The following OR4N2 variants were observed in gnomAD, a reference collection of about 807,000 sequenced individuals.
OR4N2 encodes olfactory receptor family 4 subfamily N member 2, also known as olfactory receptor 4N2.
For missense variants in OR4N2, 307 were observed against 377.6 expected, an observed-to-expected ratio of 0.81 and a Z score of 1.55; for synonymous variants, 141 against 140.4, an observed-to-expected ratio of 1.00 and a Z score of -0.03.
Position 19,809,856 on chromosome 14 carries a change from G to A in OR4N2, c.-10+6012G>A, listed in dbSNP as rs369853584. ...CCATATACAAAAATCAATTCAACAT[G>A]GATTGGAGAATTAAATGTAAAACCC... On this transcript the variant is annotated intron_variant, in intron 1 of 1. Transcript: ENST00000557677. Among the ~76,000 whole-genome samples, 270 of 152,302 alleles carry A rather than the reference G, an allele frequency of 1.8e-3. 2 individuals carry two copies. The highest frequency in any genetic ancestry group is 5.7e-3 in the African/African-American group (238 of 41,558).
intron 1 of OR4N2, among the ~76,000 whole-genome samples, chr14:19,820,486 G>A (rs1227080531): frequency 1.1e-4 from 17 of 152,210 alleles, no homozygotes; most frequent in African/African-American, 4.1e-4. Flanking sequence ...TCCCTTCAGA[G>A]ATGGCAGGCA....
chr14:19,820,559 A>T (rs554712545), intron 1 of OR4N2, among the ~76,000 whole-genome samples: 58 of 152,320 alleles, frequency 3.8e-4, no homozygotes, highest in African/African-American at 1.3e-3. Context: ...GCTCTGTCCC[A>T]GGGAGATGGG....
chr14:19,819,538 G>C (rs1254868986), intron 1 of OR4N2, among the ~76,000 whole-genome samples: 1 of 152,226 alleles, frequency 6.6e-6, no homozygotes, highest in Non-Finnish European at 1.5e-5. Context: ...AGCTCCATCA[G>C]GTTATTTATG....
At chr14:19,821,443 G>C (rs2138476874) in intron 1 of OR4N2, among the ~76,000 whole-genome samples, 1 of 151,718 alleles carries the variant, frequency 6.6e-6, no homozygotes, top group Middle Eastern at 3.4e-3. Flanking sequence ...TTTGAGTCTA[G>C]TCATATATAT....
chr14:19,824,236 C>T (rs1412926239), intron 1 of OR4N2, among the ~76,000 whole-genome samples: 1 of 152,258 alleles, frequency 6.6e-6, no homozygotes, highest in South Asian at 2.1e-4. Context: ...TAGAGGAATG[C>T]TCATCTGATT....
rs201593869 is a variant in OR4N2, at chr14:19,827,686, C to A, written c.238C>A (p.Arg80=). Residue 80 remains arginine (R), a synonymous_variant, in exon 2 of 2, where the codon CGG becomes AGG. Coordinates refer to ENST00000557677, the MANE Select transcript of OR4N2 (RefSeq NM_001004723.3). ...ATCCTACTCCTTCATTGTGGCTCCC[C>A]GGATGTTGGTGGACTTCCTCTCTGC... is the stretch of plus-strand genomic sequence containing the variant. ...DASYSFIVAP[R]MLVDFLSAKK... The A allele has an allele frequency of 1.2e-6, 2 of 1,614,208 alleles. No individual in the cohort carries two copies. The highest frequency in any genetic ancestry group is 1.7e-6 in the Non-Finnish European group (2 of 1,180,014).
At chr14:19,811,310 G>A (rs1347350390) in intron 1 of OR4N2, among the ~76,000 whole-genome samples, 1 of 152,160 alleles carries the variant, frequency 6.6e-6, no homozygotes, top group Non-Finnish European at 1.5e-5. Flanking sequence ...GCAGTGGTGC[G>A]ATCTCGGCTC....
chr14:19,828,169 A>G lies in OR4N2; in HGVS notation c.721A>G (p.Ile241Val), dbSNP rs766284352. The change falls in exon 2 of 2, where the codon ATC becomes GTC. Residue 241 changes from isoleucine (I) to valine (V), a missense_variant. Ile to Val is a conservative substitution (Grantham distance 29, BLOSUM62 3). Coordinates refer to ENST00000557677, the MANE Select transcript of OR4N2 (RefSeq NM_001004723.3). ...EAKNKAMSTC[I>V]THIIVIFFMF... ...AAAAAACAAGGCCATGTCCACGTGC[A>G]TCACCCATATCATTGTTATATTCTT... 19 of 1,614,134 alleles carry G rather than the reference A, an allele frequency of 1.2e-5. No individual in the cohort carries two copies. Among genetic ancestry groups the G allele is most frequent in the African/African-American group, 2.7e-5 (2 of 74,952 alleles).
At chr14:19,809,204 A>G in intron 1 of OR4N2, among the ~76,000 whole-genome samples, 1 of 152,374 alleles carries the variant, frequency 6.6e-6, no homozygotes, top group South Asian at 2.1e-4. Context: ...ACAAAAATCA[A>G]CTCAAAATCG....
Position 19,829,903 on chromosome 14 carries a change from T to C in OR4N2, c.*1531T>C, listed in dbSNP as rs988546147. 1.3e-5 allele frequency: 2 copies of C among 152,284 alleles called. No homozygotes were observed. Among genetic ancestry groups the C allele is most frequent in the African/African-American group, 4.8e-5 (2 of 41,472 alleles). The allele number at this position is 152,284 out of a possible 1,614,324, so 9.4% of individuals were successfully genotyped here. A position where few individuals can be genotyped will look rare whatever the true frequency, so the allele number is the denominator to read the frequency against. The stretch of plus-strand genomic sequence containing the variant: ...ATAATCCTTCTCTATTCTCACTCTG[T>C]TTATTGCGTTGCTTCCTGTTTTAGT... On this transcript the variant is annotated 3_prime_UTR_variant, in exon 2 of 2. Transcript: ENST00000557677.
chr14:19,818,144 T>C (rs1246294765), intron 1 of OR4N2, among the ~76,000 whole-genome samples: 1 of 152,278 alleles, frequency 6.6e-6, no homozygotes, highest in Non-Finnish European at 1.5e-5. Context: ...GATGTGGTGC[T>C]GAGAAGAATA....
chr14:19,827,960 C>A lies in OR4N2; in HGVS notation c.512C>A (p.Pro171Gln), dbSNP rs750788192. 5.0e-6 allele frequency: 8 copies of A among 1,614,082 alleles called. No homozygotes were observed. Among genetic ancestry groups the A allele is most frequent in the East Asian group, 4.5e-5 (2 of 44,896 alleles). Reference protein sequence around the residue: ...VLILRLPFCGPNQLDNFFCDV... With the variant: ...VLILRLPFCGQNQLDNFFCDV... The stretch of plus-strand genomic sequence containing the variant: ...ATCCTCCGCTTGCCTTTTTGTGGCC[C>A]AAACCAGCTGGACAACTTCTTCTGT... Residue 171 changes from proline to glutamine, a missense_variant, in exon 2 of 2, where the codon CCA (proline) becomes CAA (glutamine). By Grantham distance (76) the Pro-to-Gln change is moderately conservative. Coordinates refer to ENST00000557677, the MANE Select transcript of OR4N2 (RefSeq NM_001004723.3).
At chr14:19,826,758 G>A (rs1158948923) in intron 1 of OR4N2, among the ~76,000 whole-genome samples, 15 of 152,378 alleles carry the variant, frequency 9.8e-5, no homozygotes, top group African/African-American at 3.6e-4. Flanking sequence ...CAGGTGTGGA[G>A]TGGCCACAGG....
intron 1 of OR4N2, among the ~76,000 whole-genome samples, chr14:19,811,444 C>T (rs1183890900): frequency 1.3e-5 from 2 of 152,224 alleles, no homozygotes; most frequent in African/African-American, 4.8e-5. Flanking sequence ...GATGGGGTTT[C>T]ACCGTGTTAG....
chr14:19,816,428 G>T (rs1375739728), intron 1 of OR4N2, among the ~76,000 whole-genome samples: 1 of 152,172 alleles, frequency 6.6e-6, no homozygotes, highest in African/African-American at 2.4e-5. Flanking sequence ...CTTGTTAGTT[G>T]TATTCCTAGG....
chr14:19,808,052 C>G (rs75950815), intron 1 of OR4N2, among the ~76,000 whole-genome samples: 1 of 151,934 alleles, frequency 6.6e-6, no homozygotes, highest in African/African-American at 2.4e-5. Context: ...TGATAAAAAC[C>G]CTTAACAGAC....
chr14:19,813,950 T>G (rs1566464261), intron 1 of OR4N2, among the ~76,000 whole-genome samples: 1 of 151,760 alleles, frequency 6.6e-6, no homozygotes. Context: ...TTTTCTGTAC[T>G]TCTCTCTCTC....
intron 1 of OR4N2, among the ~76,000 whole-genome samples, chr14:19,820,680 G>T (rs1246711837): frequency 6.6e-6 from 1 of 152,252 alleles, no homozygotes; most frequent in African/African-American, 2.4e-5. Context: ...TTGCTGGGTT[G>T]TGGGGGGCTC....
At chr14:19,821,064 C>T (rs1226788697) in intron 1 of OR4N2, among the ~76,000 whole-genome samples, 1 of 152,272 alleles carries the variant, frequency 6.6e-6, no homozygotes, top group Non-Finnish European at 1.5e-5. Flanking sequence ...GTGGTGTAGG[C>T]ACCTGAGGGA....
Sources: gnomAD v4.1 joint callset for allele counts (sites outside exome capture counted in the v4.1 genomes callset) on GRCh38, gnomAD v4.1.1 for gene constraint, MANE v1.5 for transcripts, NCBI Gene and HGNC (gene_info 2026-07-23, HGNC 2026-07-21) for gene names.